DMD: variants seen among roughly 807,000 people sequenced by gnomAD.
DMD encodes mutant dystrophin.
In DMD, 63 loss-of-function variants were observed where a neutral mutation model predicts 330.1. The ratio of observed to expected loss-of-function variants is 0.19; its 90% CI spans 0.16 to 0.24. The LOEUF is 0.24. Among genes scored for constraint, DMD ranks in the 10% least tolerant of loss-of-function variants. DMD has a pLI of 1.00. For synonymous variants in DMD, 1,223 were observed against 959.8 expected, an observed-to-expected ratio of 1.27 and a Z score of -5.07; for missense variants, 3,344 against 2,684.1, an observed-to-expected ratio of 1.25 and a Z score of -5.43.
chrX:31,393,985 T>A (rs767449646), intron 60 of DMD, among the ~76,000 whole-genome samples: 11 of 112,507 alleles, frequency 9.8e-5, no homozygotes, highest in South Asian at 3.7e-4. Flanking sequence ...ACATTTTGTA[T>A]ATGAGGAAAC....
At chrX:32,101,263 T>A (rs1294597945) in intron 44 of DMD, among the ~76,000 whole-genome samples, 2 of 111,871 alleles carry the variant, frequency 1.8e-5, no homozygotes, top group Non-Finnish European at 3.8e-5. Context: ...CAGAATGATG[T>A]CAGACAGGCC....
At chrX:32,112,071 A>T (rs903793517) in intron 44 of DMD, among the ~76,000 whole-genome samples, 1 of 112,171 alleles carries the variant, frequency 8.9e-6, no homozygotes, top group Non-Finnish European at 1.9e-5. Flanking sequence ...TCGAGCTTTA[A>T]TTATGGGCCA....
intron 55 of DMD, among the ~76,000 whole-genome samples, chrX:31,509,863 T>C (rs1328019052): frequency 8.9e-6 from 1 of 112,425 alleles, no homozygotes; most frequent in East Asian, 2.8e-4. Flanking sequence ...GATAGTTCTG[T>C]CTTTAATTTT....
At chrX:32,120,082 T>C (rs1446217055) in intron 44 of DMD, among the ~76,000 whole-genome samples, 1 of 112,414 alleles carries the variant, frequency 8.9e-6, no homozygotes, top group Non-Finnish European at 1.9e-5. Flanking sequence ...GAATCAGACA[T>C]TAAATTTTCA....
At chrX:31,347,364 T>C (rs187187928) in intron 61 of DMD, among the ~76,000 whole-genome samples, 3 of 108,341 alleles carry the variant, frequency 2.8e-5, no homozygotes, top group African/African-American at 6.5e-5. Context: ...TGGATGTTTG[T>C]ACCCATTAAC....
At chrX:32,134,788 C>A (rs1017699598) in intron 44 of DMD, among the ~76,000 whole-genome samples, 16 of 111,323 alleles carry the variant, frequency 1.4e-4, no homozygotes, top group African/African-American at 4.9e-4. Context: ...ATGAGGTATA[C>A]TTTGAAGGCA....
intron 44 of DMD, among the ~76,000 whole-genome samples, chrX:31,984,742 T>C (rs1279919950): frequency 3.6e-5 from 4 of 112,295 alleles, no homozygotes; most frequent in Admixed American, 9.4e-5. Context: ...GTTATATAAA[T>C]GGACAGATTT....
At chrX:32,720,669 A>G (rs986517291) in intron 7 of DMD, among the ~76,000 whole-genome samples, 1 of 111,923 alleles carries the variant, frequency 8.9e-6, no homozygotes, top group African/African-American at 3.2e-5. Flanking sequence ...GATAAATATT[A>G]GAAAGGGTTA....
At chrX:32,526,641 C>T (rs760609230) in intron 17 of DMD, among the ~76,000 whole-genome samples, 1 of 111,316 alleles carries the variant, frequency 9.0e-6, no homozygotes, top group South Asian at 3.7e-4. Flanking sequence ...AATTACATCC[C>T]ATATGGTAAA....
chrX:32,358,533 A>C (rs756971971), intron 37 of DMD, among the ~76,000 whole-genome samples: 25 of 111,941 alleles, frequency 2.2e-4, no homozygotes, highest in Non-Finnish European at 4.3e-4. Context: ...TTACGAAAAA[A>C]CACGCTTTTT....
At chrX:31,690,560 C>T (rs1333617925) in intron 52 of DMD, among the ~76,000 whole-genome samples, 4 of 111,950 alleles carry the variant, frequency 3.6e-5, no homozygotes, top group Non-Finnish European at 7.5e-5. Flanking sequence ...GTCAGTGTGG[C>T]GATTCCTCAG....
At chrX:31,634,257 C>T (rs1381079417) in intron 54 of DMD, among the ~76,000 whole-genome samples, 4 of 111,707 alleles carry the variant, frequency 3.6e-5, no homozygotes, top group Non-Finnish European at 5.7e-5. Flanking sequence ...GCTGGTTTGC[C>T]GTTCACCAAC....
chrX:31,298,561 T>G (rs2054380712), intron 62 of DMD, among the ~76,000 whole-genome samples: 1 of 112,043 alleles, frequency 8.9e-6, no homozygotes. Context: ...TTGACCTATA[T>G]CTACAACATG....
At chrX:32,819,842 T>A (rs772139871) in intron 5 of DMD, among the ~76,000 whole-genome samples, 9 of 97,673 alleles carry the variant, frequency 9.2e-5, no homozygotes, top group African/African-American at 3.5e-4. Context: ...ATATGTAATG[T>A]TGGTGTAAAA....
chrX:31,625,023 TA>T (rs1381540905), intron 55 of DMD, among the ~76,000 whole-genome samples: 6 of 112,158 alleles, frequency 5.3e-5, no homozygotes, highest in Non-Finnish European at 1.1e-4. Context: ...CCATTAACAA[TA>T]ATCAATAGTT....
At chrX:32,677,106 T>C (rs754016621) in intron 9 of DMD, among the ~76,000 whole-genome samples, 1 of 111,561 alleles carries the variant, frequency 9.0e-6, no homozygotes, top group Admixed American at 9.6e-5. Flanking sequence ...GAAATGAAAC[T>C]CCTATAAAAT....
At chrX:33,137,966 T>C (rs1274028421) in intron 1 of DMD, among the ~76,000 whole-genome samples, 5 of 112,098 alleles carry the variant, frequency 4.5e-5, no homozygotes, top group African/African-American at 1.6e-4. Context: ...TGATAGGTAC[T>C]GGTCTAAGTG....
chrX:31,992,097 T>C (rs2095555018), intron 44 of DMD, among the ~76,000 whole-genome samples: 1 of 111,722 alleles, frequency 9.0e-6, no homozygotes, highest in East Asian at 2.8e-4. Flanking sequence ...GTCACTGTAA[T>C]GGGAGCTAAT....
chrX:32,697,808 G>A (rs1333159982), intron 9 of DMD, 62 bp downstream of exon 9: 22 of 1,192,904 alleles, frequency 1.8e-5, no homozygotes, highest in Non-Finnish European at 2.5e-5. Context: ...AGTAAAAGCA[G>A]TGTTAGATTA....
Sources: allele counts gnomAD v4.1 joint callset (sites outside exome capture counted in the v4.1 genomes callset), GRCh38; gene constraint gnomAD v4.1.1; transcripts MANE v1.5; gene names NCBI Gene and HGNC (gene_info 2026-07-23, HGNC 2026-07-21).